The following MEF2A variants were observed in gnomAD, a reference collection of about 807,000 sequenced individuals.
The protein encoded by MEF2A is myocyte-specific enhancer factor 2A.
A neutral mutation model predicts 55.8 loss-of-function variants in MEF2A; 28 were observed. The observed-to-expected ratio is 0.50, with a 90% confidence interval of 0.37 to 0.69. The LOEUF (loss-of-function observed/expected upper bound fraction) is 0.69, where lower values mean the gene tolerates loss of function less well. Ranked by LOEUF, MEF2A falls within the 30% of genes least tolerant of loss-of-function variation. The pLI, the probability that MEF2A is intolerant of heterozygous loss-of-function variation, is 0.00. For missense variants in MEF2A, 528 were observed against 626.2 expected (o/e 0.84, Z 1.67); for synonymous variants, 239 against 227.1 (o/e 1.05, Z -0.47).
chr15:99,565,832 C>A (rs564204398), upstream of MEF2A: 7 of 152,844 alleles, frequency 4.6e-5, no homozygotes, highest in South Asian at 1.2e-3. Context: ...TGAAAAGAAA[C>A]TGATGGGGAG....
At chr15:99,567,988 A>G (rs944683209) in intron 1 of MEF2A, among the ~76,000 whole-genome samples, 35 of 152,178 alleles carry the variant, frequency 2.3e-4, no homozygotes, top group Non-Finnish European at 5.9e-5. Context: ...AGTTTTGTTG[A>G]AGAGTGTGGT....
At chr15:99,661,335 C>T (rs2048590633) in intron 4 of MEF2A, among the ~76,000 whole-genome samples, 1 of 150,542 alleles carries the variant, frequency 6.6e-6, no homozygotes. Flanking sequence ...GCATAAAAAT[C>T]ACTATCATAT....
In MEF2A at chr15:99,710,646, C is replaced by T; in HGVS notation, c.1022C>T (p.Thr341Ile). 1 of 1,612,788 alleles carries T rather than the reference C, an allele frequency of 6.2e-7. No individual in the cohort carries two copies. The highest frequency in any genetic ancestry group is 8.5e-7 in the Non-Finnish European group (1 of 1,178,842). The stretch of plus-strand genomic sequence containing the variant: ...TCTTCCTTTGTAGATTATTCACTGA[C>T]CAGCGCTGACCTGTCAGCCCTTCAA... ...PTAYNTDYSLTSADLSALQGF... is the reference protein window; with the variant it reads ...PTAYNTDYSLISADLSALQGF... The change falls in exon 11 of 12, where the codon ACC becomes ATC. Residue 341 changes from threonine to isoleucine, a missense_variant. By Grantham distance (89) the Thr-to-Ile change is moderately conservative. Around this residue, in one of 2 missense-constraint regions of MEF2A, gnomAD observed 450 missense variants for 475.3 expected, o/e 0.95. Coordinates refer to ENST00000557942, the MANE Select transcript of MEF2A (RefSeq NM_001319206.4).
intron 1 of MEF2A, among the ~76,000 whole-genome samples, chr15:99,576,509 T>A (rs1307888117): frequency 6.6e-6 from 1 of 152,222 alleles, no homozygotes; most frequent in African/African-American, 2.4e-5. Flanking sequence ...TTTCATATGA[T>A]AATGAACTAT....
chr15:99,622,709 TTTTTC>T (rs1490339846), intron 2 of MEF2A, among the ~76,000 whole-genome samples: 1 of 146,530 alleles, frequency 6.8e-6, no homozygotes, highest in African/African-American at 2.4e-5. Flanking sequence ...TTTCTTTTTT[TTTTTC>T]TTTTTTGAGA....
At position 99,706,853 on chromosome 15, in the gene MEF2A, C is replaced by G; in HGVS notation, c.1007C>G (p.Thr336Ser). The G allele has an allele frequency of 1.2e-6, 2 of 1,613,880 alleles. No homozygotes were observed. The highest frequency in any genetic ancestry group is 1.7e-6 in the Non-Finnish European group (2 of 1,179,772). ...TCAGCAATGCCGACTGCCTACAACA[C>G]TGGTGAGCCTGCTCTGGTGCCTTCC... Reference protein sequence around the residue: ...VYSAMPTAYNTDYSLTSADLS... With the variant: ...VYSAMPTAYNSDYSLTSADLS... Residue 336 changes from threonine (T) to serine (S), a missense_variant and splice_region_variant, in exon 10 of 12, where the codon ACT (threonine) becomes AGT (serine). Thr to Ser is a moderately conservative substitution (Grantham distance 58, BLOSUM62 1). Around this residue, in one of 2 missense-constraint regions of MEF2A, gnomAD observed 450 missense variants for 475.3 expected, o/e 0.95. Transcript: ENST00000557942.
intron 3 of MEF2A, among the ~76,000 whole-genome samples, chr15:99,644,269 A>G (rs2045565998): frequency 6.6e-6 from 1 of 152,210 alleles, no homozygotes; most frequent in African/African-American, 2.4e-5. Flanking sequence ...TAGGGAGAAA[A>G]CAGATACTCT....
intron 9 of MEF2A, 123 bp from the exon 10 acceptor site, chr15:99,706,606 C>T: frequency 9.4e-7 from 1 of 1,062,960 alleles, no homozygotes; most frequent in Non-Finnish European, 1.4e-6. Flanking sequence ...GTTTTCACAT[C>T]ATCAGTGCTT....
intron 1 of MEF2A, among the ~76,000 whole-genome samples, chr15:99,571,066 T>A (rs1210317690): frequency 6.6e-6 from 1 of 151,360 alleles, no homozygotes; most frequent in African/African-American, 2.4e-5. Context: ...ACACCTGTTA[T>A]CCCGCCACTC....
intron 4 of MEF2A, among the ~76,000 whole-genome samples, chr15:99,659,430 A>T (rs1411281585): frequency 2.0e-5 from 3 of 152,156 alleles, no homozygotes; most frequent in Non-Finnish European, 4.4e-5. Flanking sequence ...AAGATCATGG[A>T]GGAACTGGAG....
At chr15:99,583,635 C>G (rs1180358909) in intron 1 of MEF2A, among the ~76,000 whole-genome samples, 2 of 151,938 alleles carry the variant, frequency 1.3e-5, no homozygotes, top group African/African-American at 4.8e-5. Flanking sequence ...CAAATAGAAA[C>G]TTAGCATTTG....
intron 7 of MEF2A, 87 bp downstream of exon 7, chr15:99,675,545 G>A (rs2051816355): frequency 1.7e-6 from 2 of 1,209,434 alleles, no homozygotes; most frequent in Non-Finnish European, 1.2e-6. Context: ...AGCTTTCTGG[G>A]AAATTTCCTT....
intron 4 of MEF2A, among the ~76,000 whole-genome samples, chr15:99,659,983 G>T (rs766418453): frequency 2.7e-4 from 41 of 152,070 alleles, no homozygotes; most frequent in Non-Finnish European, 8.8e-5. Context: ...TTTTTAAGAA[G>T]GAAGTAATTC....
chr15:99,698,278 C>T (rs779499520), intron 8 of MEF2A, among the ~76,000 whole-genome samples: 1 of 152,150 alleles, frequency 6.6e-6, no homozygotes, highest in East Asian at 1.9e-4. Context: ...GTCACATATC[C>T]AATAAAGAGT....
At chr15:99,649,136 A>G (rs1416333684) in intron 4 of MEF2A, among the ~76,000 whole-genome samples, 2 of 152,158 alleles carry the variant, frequency 1.3e-5, no homozygotes, top group South Asian at 2.1e-4. Flanking sequence ...AAAAAATTCT[A>G]TACAGGTTTA....
At chr15:99,672,937 T>C (rs992667311) in intron 5 of MEF2A, among the ~76,000 whole-genome samples, 2 of 152,208 alleles carry the variant, frequency 1.3e-5, no homozygotes, top group African/African-American at 2.4e-5. Context: ...TGGAGCATCA[T>C]TGGGAACCTG....
intron 1 of MEF2A, among the ~76,000 whole-genome samples, chr15:99,575,764 C>T (rs768247486): frequency 6.6e-6 from 1 of 152,180 alleles, no homozygotes; most frequent in Non-Finnish European, 1.5e-5. Context: ...AACCATCGTT[C>T]CCTCTCCATT....
chr15:99,665,748 AAAAAAAAG>A lies in MEF2A; in HGVS notation c.259-5574_259-5567del, dbSNP rs1478687731. Among the ~76,000 whole-genome samples the A allele has an allele frequency of 6.6e-5, 10 of 150,522 alleles. No homozygotes were observed. The South Asian group carries it at 1.2e-3, about 19-fold the overall frequency. On this transcript the variant is annotated intron_variant, in intron 4 of 11. Coordinates refer to ENST00000557942, the MANE Select transcript of MEF2A (RefSeq NM_001319206.4). ...TAAATTTACAAAAAAAAAAAAAAAA[AAAAAAAAG>A]CCATCAAAAAGTGGGTGAAGGATAT... is the stretch of plus-strand genomic sequence containing the variant.
chr15:99,593,934 A>T (rs1567181473), intron 1 of MEF2A, among the ~76,000 whole-genome samples: 1 of 150,060 alleles, frequency 6.7e-6, no homozygotes, highest in East Asian at 2.0e-4. Flanking sequence ...AAAACAAATT[A>T]TTTTTTTTTT....
Sources: allele counts gnomAD v4.1 joint callset (sites outside exome capture counted in the v4.1 genomes callset), GRCh38; gene constraint gnomAD v4.1.1; regional missense constraint gnomAD v4.1.1; transcripts MANE v1.5; gene names NCBI Gene and HGNC (gene_info 2026-07-23, HGNC 2026-07-21).